The following ACTR8 variants were observed in gnomAD, a reference collection of about 807,000 sequenced individuals.
ACTR8 encodes the protein actin related protein 8.
Under a neutral mutation model 84.3 loss-of-function variants are expected in ACTR8, and 70 were observed. That is an observed-to-expected ratio of 0.83 (90% CI 0.68 to 1.01). The LOEUF (loss-of-function observed/expected upper bound fraction) is 1.01, where lower values mean the gene tolerates loss of function less well. ACTR8 is among the 50% of genes least tolerant of loss of function. The pLI, the probability that ACTR8 is intolerant of heterozygous loss-of-function variation, is 0.00. For missense variants in ACTR8, 672 were observed against 775.4 expected (o/e 0.87, Z 1.58); for synonymous variants, 268 against 275.2 (o/e 0.97, Z 0.26).
chr3:53,882,126 T>C lies in ACTR8; in HGVS notation c.-25A>G. On this transcript the variant is annotated 5_prime_UTR_variant, in exon 1 of 13. Coordinates refer to ENST00000335754, the MANE Select transcript of ACTR8 (RefSeq NM_022899.5). ...TTATGGCCGGAGACACCCACCAACC[T>C]CTCGCCTCAGCGCTGCAGCCACGAC... The C allele has an allele frequency of 1.3e-6, 2 of 1,550,384 alleles. No homozygotes were observed. The highest frequency in any genetic ancestry group is 8.7e-7 in the Non-Finnish European group (1 of 1,146,254).
chr3:53,876,178 T>C, intron 6 of ACTR8, 98 bp from the exon 7 acceptor site: 2 of 1,433,344 alleles, frequency 1.4e-6, no homozygotes, highest in East Asian at 2.5e-5. Flanking sequence ...TAGGGACCTC[T>C]GGGCAGGGCA....
chr3:53,878,932 T>C (rs1700017732), intron 2 of ACTR8, among the ~76,000 whole-genome samples: 1 of 152,246 alleles, frequency 6.6e-6, no homozygotes, highest in African/African-American at 2.4e-5. Context: ...TTTCATAAAA[T>C]TTCTCACAGC....
At chr3:53,862,276 G>A (rs1028109187), downstream of ACTR8, among the ~76,000 whole-genome samples, 1 of 152,116 alleles carries the variant, frequency 6.6e-6, no homozygotes, top group Non-Finnish European at 1.5e-5. Flanking sequence ...AGGCCATAAG[G>A]ACCTTCAAGG....
At position 53,870,749 on chromosome 3, in the gene ACTR8, A is replaced by G. The variant is rs1012523178; in HGVS notation, c.1567+483T>C. Among the ~76,000 whole-genome samples the G allele has an allele frequency of 1.2e-4, 18 of 152,154 alleles. No homozygotes were observed. The highest frequency in any genetic ancestry group is 7.4e-5 in the Non-Finnish European group (5 of 68,022). The stretch of plus-strand genomic sequence containing the variant: ...TCCTCACACCCTGCTTCCCAGCCAC[A>G]CAGGTCTTCACAGGCTTCTTCCTCT... On this transcript the variant is annotated intron_variant, in intron 11 of 12. Coordinates refer to ENST00000335754, the MANE Select transcript of ACTR8 (RefSeq NM_022899.5). This position sits in a 1 kb window ranked among gnomAD's most constrained non-coding sequence, Gnocchi z 4.1.
chr3:53,867,518 C>T lies in ACTR8; in HGVS notation c.*1201G>A, dbSNP rs1438352436. The T allele has an allele frequency of 1.3e-5, 2 of 152,212 alleles. No individual in the cohort carries two copies. The highest frequency in any genetic ancestry group is 4.8e-5 in the African/African-American group (2 of 41,438). The allele number at this position is 152,212 out of a possible 1,614,324, so 9.4% of individuals were successfully genotyped here. The stretch of plus-strand genomic sequence containing the variant: ...TCAGGTACCGGCATTTCTCCACATC[C>T]AGAGTTCTTTCTATATTCCCTTCTG... On this transcript the variant is annotated 3_prime_UTR_variant, in exon 13 of 13. Coordinates refer to ENST00000335754, the MANE Select transcript of ACTR8 (RefSeq NM_022899.5).
At chr3:53,880,637 T>C (rs1559796142) in intron 1 of ACTR8, among the ~76,000 whole-genome samples, 1 of 152,226 alleles carries the variant, frequency 6.6e-6, no homozygotes, top group East Asian at 1.9e-4. Context: ...GAGGTCAGAC[T>C]CTGTGGCTTA....
At chr3:53,876,770 C>A in intron 5 of ACTR8, 57 bp from the exon 6 acceptor site, 1 of 906,136 alleles carries the variant, frequency 1.1e-6, no homozygotes. Flanking sequence ...AGGTCAAATT[C>A]ACACTCCTTT....
At chr3:53,872,900 T>C (rs764282951) in intron 9 of ACTR8, 132 bp downstream of exon 9, 235 of 717,510 alleles carry the variant, frequency 3.3e-4, no homozygotes, top group Non-Finnish European at 4.4e-4. Flanking sequence ...GCTTAAATGT[T>C]GGTTTAGTGG....
chr3:53,876,203 A>T, intron 6 of ACTR8, 123 bp from the exon 7 acceptor site: 1 of 1,205,274 alleles, frequency 8.3e-7, no homozygotes, highest in East Asian at 2.6e-5. Flanking sequence ...AGGAACACTG[A>T]TCCTTTCAGA....
Position 53,870,185 on chromosome 3 carries a change from CATCCATAATTCT to C in ACTR8, c.1568-52_1568-41del. ...GACATCCTCCATGCTTTTTTCTCCA[CATCCATAATTCT>C]AGGCCAAGCCACCAACACCTCTTGC... On this transcript the variant is annotated intron_variant, in intron 11 of 12. Coordinates refer to ENST00000335754, the MANE Select transcript of ACTR8 (RefSeq NM_022899.5). This position sits in a 1 kb window ranked among gnomAD's most constrained non-coding sequence, Gnocchi z 4.1. 6.3e-7 allele frequency: 1 copy of C among 1,599,560 alleles called. No individual in the cohort carries two copies. The highest frequency in any genetic ancestry group is 8.6e-7 in the Non-Finnish European group (1 of 1,169,572).
chr3:53,877,259 A>G lies in ACTR8; in HGVS notation c.639T>C (p.Ser213=). The change falls in exon 5 of 13, where the codon TCT becomes TCC. Residue 213 remains serine, a synonymous_variant. Transcript: ENST00000335754. ...TTTCCAAGTATTTTTGTATCGCATGAGACCATATTACTTCAATATCTGCCA... is the reference window on the plus strand; with the variant it reads ...TTTCCAAGTATTTTTGTATCGCATGGGACCATATTACTTCAATATCTGCCA... The part of the protein sequence containing the change: ...AVLADIEVIW[S]HAIQKYLEIP... The G allele has an allele frequency of 3.1e-6, 5 of 1,613,036 alleles. No homozygotes were observed. Among genetic ancestry groups the G allele is most frequent in the Non-Finnish European group, 4.2e-6 (5 of 1,179,724 alleles).
At position 53,882,112 on chromosome 3, in the gene ACTR8, G is replaced by C. The variant is rs773340088; in HGVS notation, c.-11C>G. The C allele has an allele frequency of 6.4e-7, 1 of 1,551,336 alleles. No homozygotes were observed. Among genetic ancestry groups the C allele is most frequent in the South Asian group, 1.2e-5 (1 of 84,052 alleles). On this transcript the variant is annotated 5_prime_UTR_variant, in exon 1 of 13. Coordinates refer to ENST00000335754, the MANE Select transcript of ACTR8 (RefSeq NM_022899.5). ...CTCAGCCTGGGTCATTATGGCCGGA[G>C]ACACCCACCAACCTCTCGCCTCAGC... is the stretch of plus-strand genomic sequence containing the variant.
intron 6 of ACTR8, 106 bp from the exon 7 acceptor site, chr3:53,876,186 G>T: frequency 7.4e-7 from 1 of 1,359,600 alleles, no homozygotes. Context: ...TCTGGGCAGG[G>T]CATCTGAGGA....
At chr3:53,864,307 C>T (rs779574147), downstream of ACTR8, among the ~76,000 whole-genome samples, 2 of 152,168 alleles carry the variant, frequency 1.3e-5, no homozygotes, top group African/African-American at 2.4e-5. Flanking sequence ...GAGGCCCAGG[C>T]GGGCGGAACA....
In ACTR8 at chr3:53,868,810, A is replaced by G. The variant is rs762500302; in HGVS notation, c.1784T>C (p.Leu595Ser). 1 of 1,614,236 alleles carries G rather than the reference A, an allele frequency of 6.2e-7. No homozygotes were observed. The stretch of plus-strand genomic sequence containing the variant: ...AATCCACAGTTCCTGTGTTGTATCC[A>G]AACAAGCCAACACTGCCCCTCCTTT... ...AWKGGAVLACLDTTQELWIYQ... is the reference protein window; with the variant it reads ...AWKGGAVLACSDTTQELWIYQ... Residue 595 changes from leucine to serine, a missense_variant, in exon 13 of 13, where the codon TTG becomes TCG. Leu to Ser is a moderately radical substitution (Grantham distance 145). Transcript: ENST00000335754.
At chr3:53,874,472 C>A in intron 7 of ACTR8, 108 bp from the exon 8 acceptor site, 1 of 1,211,844 alleles carries the variant, frequency 8.3e-7, no homozygotes, top group Admixed American at 2.5e-5. Context: ...TGCCTGTAAT[C>A]CCAGCACTTT....
chr3:53,863,968 G>A (rs1243298704), downstream of ACTR8, among the ~76,000 whole-genome samples: 1 of 151,896 alleles, frequency 6.6e-6, no homozygotes, highest in Non-Finnish European at 1.5e-5. Flanking sequence ...GACCACAGAT[G>A]CATGCCATCA....
At chr3:53,864,074 T>C (rs1699678438), downstream of ACTR8, among the ~76,000 whole-genome samples, 2 of 152,106 alleles carry the variant, frequency 1.3e-5, no homozygotes, top group African/African-American at 4.8e-5. Context: ...CTACCAGCCT[T>C]GGCCTCCCAA....
intron 6 of ACTR8, among the ~76,000 whole-genome samples, chr3:53,876,345 T>C (rs767514302): frequency 1.3e-5 from 2 of 151,988 alleles, no homozygotes; most frequent in African/African-American, 2.4e-5. Context: ...AGTGAAACCC[T>C]GTATCTACTA....
Sources: gnomAD v4.1 joint callset for allele counts (sites outside exome capture counted in the v4.1 genomes callset) on GRCh38, gnomAD v4.1.1 for gene constraint, Gnocchi (gnomAD v3.1) non-coding constraint, MANE v1.5 for transcripts, NCBI Gene and HGNC (gene_info 2026-07-23, HGNC 2026-07-21) for gene names.